The following FAM78A variants were observed in gnomAD, a reference collection of about 807,000 sequenced individuals.
The protein encoded by FAM78A is protein FAM78A.
In FAM78A, 12 loss-of-function variants were observed where a neutral mutation model predicts 22.6. That is an observed-to-expected ratio of 0.53 (90% CI 0.34 to 0.86). The LOEUF is 0.86. FAM78A is among the 40% of genes least tolerant of loss of function. The pLI is 0.02. For missense variants in FAM78A, 322 were observed against 396.1 expected (o/e 0.81, Z 1.59); for synonymous variants, 151 against 155.8 (o/e 0.97, Z 0.23).
At position 131,272,124 on chromosome 9, in the gene FAM78A, G is replaced by A. The variant is rs933605336; in HGVS notation, c.323+3733C>T. On this transcript the variant is annotated intron_variant, in intron 1 of 1. Transcript: ENST00000372271. This position sits in a 1 kb window ranked among gnomAD's most constrained non-coding sequence, Gnocchi z 4.1. ...GGGATTAATTTTAAGCAGGGATAACGTTTGGGGGTATTATGGATTTTGGTT... is the reference window on the plus strand; with the variant it reads ...GGGATTAATTTTAAGCAGGGATAACATTTGGGGGTATTATGGATTTTGGTT... 1.6e-4 allele frequency among the ~76,000 whole-genome samples: 25 copies of A among 152,110 alleles called. No individual in the cohort carries two copies. The highest frequency in any genetic ancestry group is 2.9e-4 in the Non-Finnish European group (20 of 68,022).
Position 131,275,716 on chromosome 9 carries a change from G to A in FAM78A, c.323+141C>T. On this transcript the variant is annotated intron_variant, in intron 1 of 1. Transcript: ENST00000372271. The surrounding 1 kb of genome is among the most constrained non-coding windows in gnomAD (Gnocchi z 4.6). ...AGCCACCGGGCCAATGAGGCCACCTGCATACCTGCCTAAAGCTTCCCTCTG... is the reference window on the plus strand; with the variant it reads ...AGCCACCGGGCCAATGAGGCCACCTACATACCTGCCTAAAGCTTCCCTCTG... 1 of 911,114 alleles carries A rather than the reference G, an allele frequency of 1.1e-6. No homozygotes were observed. Among genetic ancestry groups the A allele is most frequent in the Admixed American group, 3.0e-5 (1 of 33,652 alleles). 56.4% of individuals were successfully genotyped at this position (911,114 alleles called of 1,614,324 possible).
chr9:131,263,926 A>AG (rs906821676), intron 1 of FAM78A: 1 of 152,324 alleles, frequency 6.6e-6, no homozygotes, highest in Non-Finnish European at 1.5e-5. Flanking sequence ...CCTAAGATCT[A>AG]GGGGGGCCCC....
chr9:131,280,430 AGAGG>A (rs1228106541), upstream of FAM78A, among the ~76,000 whole-genome samples: 1 of 152,232 alleles, frequency 6.6e-6, no homozygotes, highest in African/African-American at 2.4e-5. Flanking sequence ...TCTGCAGAGC[AGAGG>A]AAGGGGACAT....
chr9:131,260,776 G>A lies in FAM78A; in HGVS notation c.*46C>T, dbSNP rs765824128. On this transcript the variant is annotated 3_prime_UTR_variant, in exon 2 of 2. Transcript: ENST00000372271. The surrounding 1 kb of genome is among the most constrained non-coding windows in gnomAD (Gnocchi z 5.4). ...AGAGTGAGTCTGAGTTTTGTTTTCA[G>A]CGGTATTATTATTTGTGAGTCTAAC... The A allele has an allele frequency of 6.7e-7, 1 of 1,500,326 alleles. No homozygotes were observed. Among genetic ancestry groups the A allele is most frequent in the South Asian group, 1.3e-5 (1 of 74,188 alleles). The allele number at this position is 1,500,326 out of a possible 1,614,324, so 92.9% of individuals were successfully genotyped here. A position where few individuals can be genotyped will look rare whatever the true frequency, so the allele number is the denominator to read the frequency against.
At chr9:131,264,421 T>C in intron 1 of FAM78A, 2 of 592,392 alleles carry the variant, frequency 3.4e-6, no homozygotes, top group South Asian at 4.1e-5. Context: ...ACCTGGGGGT[T>C]GCAGCGGGTG....
At chr9:131,263,239 CAA>C (rs35417885) in intron 1 of FAM78A, among the ~76,000 whole-genome samples, 11 of 105,992 alleles carry the variant, frequency 1.0e-4, no homozygotes, top group Admixed American at 1.0e-4. Flanking sequence ...GACTCCATCT[CAA>C]AAAAAAAAAA....
rs1433937065 is a variant in FAM78A, at chr9:131,272,394, G to A, written c.323+3463C>T. 2.6e-5 allele frequency among the ~76,000 whole-genome samples: 4 copies of A among 152,194 alleles called. No individual in the cohort carries two copies. Among genetic ancestry groups the A allele is most frequent in the Non-Finnish European group, 4.4e-5 (3 of 68,032 alleles). On this transcript the variant is annotated intron_variant, in intron 1 of 1. Transcript: ENST00000372271. This position sits in a 1 kb window ranked among gnomAD's most constrained non-coding sequence, Gnocchi z 4.1. ...ATTGACTGTCACAGCTTGCGGGGAT[G>A]TGCTCCTGGCATGGAGTGGGTAGAG...
upstream of FAM78A, among the ~76,000 whole-genome samples, chr9:131,276,934 C>T (rs1486251678): frequency 6.7e-6 from 1 of 149,320 alleles, no homozygotes; most frequent in Non-Finnish European, 1.5e-5. The surrounding 1 kb of genome is among the most constrained non-coding windows in gnomAD (Gnocchi z 4.3). Flanking sequence ...TCGCCGCGGC[C>T]GCCGAGGACC....
chr9:131,276,169 A>T lies in FAM78A; in HGVS notation c.11T>A (p.Phe4Tyr), dbSNP rs1835481889. 6.2e-7 allele frequency: 1 copy of T among 1,611,766 alleles called. No individual in the cohort carries two copies. The change falls in exon 1 of 2, where the codon TTT becomes TAT. Residue 4 changes from phenylalanine to tyrosine, a missense_variant. Physicochemically the swap from Phe to Tyr is conservative, Grantham distance 22 (BLOSUM62 3). Transcript: ENST00000372271. This position sits in a 1 kb window ranked among gnomAD's most constrained non-coding sequence, Gnocchi z 4.3. ...CAGGGAAGGCCAGCAGTCACAGAAA[A>T]AACCAGGCATTGAAAGGACAGAGGC... MPG[F>Y]FCDCWPSLEI...
At chr9:131,266,194 G>C (rs997760958) in intron 1 of FAM78A, among the ~76,000 whole-genome samples, 10 of 152,000 alleles carry the variant, frequency 6.6e-5, no homozygotes, top group Non-Finnish European at 4.4e-5. Context: ...CCTGCAATCT[G>C]TTCCCCTCCC....
upstream of FAM78A, among the ~76,000 whole-genome samples, chr9:131,278,870 G>A (rs1443799120): frequency 6.6e-6 from 1 of 152,264 alleles, no homozygotes; most frequent in Non-Finnish European, 1.5e-5. Flanking sequence ...CCGGCACAGG[G>A]CAGGTGCTTC....
Position 131,260,954 on chromosome 9 carries a change from G to C in FAM78A, c.720C>G (p.Pro240=), listed in dbSNP as rs1835256732. ...RLREPIAQDQ[P]KILSKNEPIP... The stretch of plus-strand genomic sequence containing the variant: ...TGGGCTCATTCTTGCTCAGGATTTT[G>C]GGCTGGTCCTGGGCGATGGGCTCCC... Residue 240 remains proline (P), a synonymous_variant, in exon 2 of 2, where the codon CCC becomes CCG. Coordinates refer to ENST00000372271, the MANE Select transcript of FAM78A (RefSeq NM_033387.4). The surrounding 1 kb of genome is among the most constrained non-coding windows in gnomAD (Gnocchi z 5.4). The C allele has an allele frequency of 5.6e-6, 9 of 1,611,048 alleles. 1 individual carries two copies. The South Asian group carries it at 9.9e-5, about 18-fold the overall frequency.
chr9:131,278,792 C>T (rs115072960), upstream of FAM78A, among the ~76,000 whole-genome samples: 1,515 of 152,330 alleles, frequency 9.9e-3, 11 homozygotes, highest in Middle Eastern at 0.02. Context: ...CATCTGGCAG[C>T]TACATTAAAG....
Position 131,275,846 on chromosome 9 carries a change from G to GTA in FAM78A, c.323+10_323+11insTA, listed in dbSNP as rs766435049. ...TAGCAGTTCCCAGAGCTGGCTCTCGGCCGTACTCACATGCCCTGCTCGCCG... is the reference window on the plus strand; with the variant it reads ...TAGCAGTTCCCAGAGCTGGCTCTCGGTACCGTACTCACATGCCCTGCTCGCCG... On this transcript the variant is annotated intron_variant, in intron 1 of 1. Coordinates refer to ENST00000372271, the MANE Select transcript of FAM78A (RefSeq NM_033387.4). This position sits in a 1 kb window ranked among gnomAD's most constrained non-coding sequence, Gnocchi z 4.6. 3.2e-6 allele frequency: 5 copies of GTA among 1,567,654 alleles called. No homozygotes were observed. The highest frequency in any genetic ancestry group is 1.4e-5 in the African/African-American group (1 of 74,068).
upstream of FAM78A, among the ~76,000 whole-genome samples, chr9:131,279,734 G>A (rs1430703969): frequency 1.3e-5 from 2 of 152,208 alleles, no homozygotes; most frequent in Admixed American, 1.3e-4. Context: ...GGTTTGTAAA[G>A]CACCCACTGT....
intron 1 of FAM78A, among the ~76,000 whole-genome samples, chr9:131,268,102 T>A (rs1399274324): frequency 2.0e-5 from 3 of 150,774 alleles, no homozygotes; most frequent in Non-Finnish European, 4.4e-5. Flanking sequence ...GATCTGCCCA[T>A]GTCACACAGT....
upstream of FAM78A, among the ~76,000 whole-genome samples, chr9:131,276,712 C>T (rs1044635226): frequency 5.3e-5 from 8 of 151,890 alleles, no homozygotes; most frequent in African/African-American, 1.9e-4. This position sits in a 1 kb window ranked among gnomAD's most constrained non-coding sequence, Gnocchi z 4.3. Flanking sequence ...CCGGCGCCCT[C>T]GGGGCGAGCG....
chr9:131,270,187 CAA>C, intron 1 of FAM78A: 1 of 692,164 alleles, frequency 1.4e-6, no homozygotes, highest in Non-Finnish European at 2.7e-6. Context: ...GCCTGGGTGA[CAA>C]GAGTGAAACT....
At chr9:131,267,065 TG>T (rs1004748180) in intron 1 of FAM78A, among the ~76,000 whole-genome samples, 4 of 152,142 alleles carry the variant, frequency 2.6e-5, no homozygotes, top group Non-Finnish European at 5.9e-5. Context: ...GCCGGGGCTG[TG>T]GGGAGCATTT....
Sources: allele counts gnomAD v4.1 joint callset (sites outside exome capture counted in the v4.1 genomes callset), GRCh38; gene constraint gnomAD v4.1.1; non-coding constraint Gnocchi (gnomAD v3.1); transcripts MANE v1.5; gene names NCBI Gene and HGNC (gene_info 2026-07-23, HGNC 2026-07-21).